The following FBXO11 variants were observed in gnomAD, a reference collection of about 807,000 sequenced individuals.
The protein encoded by FBXO11 is F-box only protein 11.
A neutral mutation model predicts 117.0 loss-of-function variants in FBXO11; 13 were observed. The observed-to-expected ratio is 0.11, with a 90% CI of 0.07 to 0.18. FBXO11 has a LOEUF of 0.18. FBXO11 is among the 10% of genes least tolerant of loss of function. The probability of loss-of-function intolerance (pLI) is 1.00; values close to 1 mark genes in which losing one functional copy is unlikely to be tolerated. For missense variants in FBXO11, 767 were observed against 1,164.4 expected (o/e 0.66, Z 4.97); for synonymous variants, 490 against 380.5 (o/e 1.29, Z -3.35).
rs112758707 is a variant in FBXO11, at chr2:47,904,581, A to AACACACAC, written c.232+900_232+907dup. On this transcript the variant is annotated intron_variant, in intron 1 of 22. Coordinates refer to ENST00000403359, the MANE Select transcript of FBXO11 (RefSeq NM_001190274.2). The stretch of plus-strand genomic sequence containing the variant: ...CAACACACACACGCGCGCGCGCGCA[A>AACACACAC]ACACACACACACACACACACACACA... 3.0e-3 allele frequency among the ~76,000 whole-genome samples: 437 copies of AACACACAC among 147,686 alleles called. 1 individual carries two copies. The highest frequency in any genetic ancestry group is 0.014 in the Middle Eastern group (4 of 286).
chr2:47,902,580 C>CAT (rs1243538812), intron 1 of FBXO11, among the ~76,000 whole-genome samples: 1 of 152,062 alleles, frequency 6.6e-6, no homozygotes, highest in Non-Finnish European at 1.5e-5. Flanking sequence ...TACACACACA[C>CAT]ATACACATAC....
In FBXO11 at chr2:47,872,514, G is replaced by C. The variant is rs554533215; in HGVS notation, c.233-32745C>G. Among the ~76,000 whole-genome samples, 5 of 152,252 alleles carry C rather than the reference G, an allele frequency of 3.3e-5. No homozygotes were observed. In the South Asian group the frequency reaches 1.0e-3, roughly 32 times the overall value. ...AATTTTTGTATTTTTAGGAGAGACGGGGTTTCACCATGTTGGCCAGAGTGG... is the reference window on the plus strand; with the variant it reads ...AATTTTTGTATTTTTAGGAGAGACGCGGTTTCACCATGTTGGCCAGAGTGG... On this transcript the variant is annotated intron_variant, in intron 1 of 22. Transcript: ENST00000403359.
intron 11 of FBXO11, among the ~76,000 whole-genome samples, chr2:47,830,919 C>G (rs1015643161): frequency 6.6e-6 from 1 of 152,092 alleles, no homozygotes; most frequent in East Asian, 1.9e-4. Flanking sequence ...CCTGTCTCAG[C>G]CCCCAAGTAG....
chr2:47,832,508 A>AC, intron 10 of FBXO11, 22 bp from the exon 11 acceptor site: 1 of 1,610,562 alleles, frequency 6.2e-7, no homozygotes, highest in African/African-American at 1.3e-5. Flanking sequence ...TATCAGAAAC[A>AC]AACATCAGTA....
chr2:47,882,950 T>C (rs1676546104), intron 1 of FBXO11, among the ~76,000 whole-genome samples: 1 of 152,010 alleles, frequency 6.6e-6, no homozygotes, highest in African/African-American at 2.4e-5. Context: ...TGCCCAGCCA[T>C]TTGCTTTCTT....
At chr2:47,837,649 C>T (rs903859139) in intron 4 of FBXO11, among the ~76,000 whole-genome samples, 3 of 152,170 alleles carry the variant, frequency 2.0e-5, no homozygotes, top group Non-Finnish European at 4.4e-5. Context: ...TAACTATTAA[C>T]AGTCTGCCAT....
chr2:47,854,116 A>T (rs978141263), intron 1 of FBXO11, among the ~76,000 whole-genome samples: 2 of 152,248 alleles, frequency 1.3e-5, no homozygotes, highest in African/African-American at 4.8e-5. Flanking sequence ...GAACTATAAA[A>T]GTATGTTCAC....
At chr2:47,881,120 C>T (rs946520056) in intron 1 of FBXO11, among the ~76,000 whole-genome samples, 2 of 151,958 alleles carry the variant, frequency 1.3e-5, no homozygotes, top group Non-Finnish European at 2.9e-5. Flanking sequence ...GGCTTAGTGG[C>T]GGGTGCCTGC....
chr2:47,831,461 TA>T (rs1558422348), intron 11 of FBXO11, among the ~76,000 whole-genome samples: 1 of 108,538 alleles, frequency 9.2e-6, no homozygotes, highest in East Asian at 2.8e-4. Context: ...AAAATGAAAA[TA>T]AAAAAATTTC....
rs184944934 is a variant in FBXO11 at position 47,835,060 on chromosome 2, G to A, written c.718-189C>T. On this transcript the variant is annotated intron_variant, in intron 5 of 22. Transcript: ENST00000403359. The stretch of plus-strand genomic sequence containing the variant: ...TGATCCGGTAATATCCAGAAACAAA[G>A]AACAGGGTTTCTCAATCTCAGCATT... Among the ~76,000 whole-genome samples, 129 of 152,244 alleles carry A rather than the reference G, an allele frequency of 8.5e-4. 1 individual carries two copies. The highest frequency in any genetic ancestry group is 2.9e-3 in the African/African-American group (122 of 41,554).
intron 1 of FBXO11, among the ~76,000 whole-genome samples, chr2:47,897,478 C>G (rs1558483219): frequency 1.3e-5 from 2 of 152,166 alleles, no homozygotes; most frequent in East Asian, 3.9e-4. Flanking sequence ...GGGCAGATCA[C>G]TTTACATCAT....
intron 1 of FBXO11, among the ~76,000 whole-genome samples, chr2:47,858,776 G>A (rs1674518538): frequency 6.6e-6 from 1 of 151,600 alleles, no homozygotes; most frequent in South Asian, 2.1e-4. Context: ...CGGGCGCAGT[G>A]GCTTATGCCT....
At chr2:47,889,012 C>A (rs776605218) in intron 1 of FBXO11, among the ~76,000 whole-genome samples, 6 of 152,146 alleles carry the variant, frequency 3.9e-5, no homozygotes, top group Non-Finnish European at 5.9e-5. Flanking sequence ...ACACCTTGGA[C>A]TAGAGAAGAT....
intron 1 of FBXO11, among the ~76,000 whole-genome samples, chr2:47,894,686 T>G (rs1289591041): frequency 6.6e-6 from 1 of 152,256 alleles, no homozygotes; most frequent in Admixed American, 6.5e-5. Flanking sequence ...CTTAGATTTT[T>G]AGACAGTATA....
intron 1 of FBXO11, among the ~76,000 whole-genome samples, chr2:47,871,999 G>A (rs984744440): frequency 3.9e-5 from 6 of 152,080 alleles, no homozygotes; most frequent in South Asian, 2.1e-4. Context: ...CTCCAGTTCT[G>A]ACTTCACAAA....
intron 1 of FBXO11, among the ~76,000 whole-genome samples, chr2:47,876,976 C>G (rs1392533046): frequency 6.6e-6 from 1 of 151,784 alleles, no homozygotes. Flanking sequence ...TACTATTTTC[C>G]AAATCACTGT....
At chr2:47,835,387 T>C (rs919691361) in intron 5 of FBXO11, among the ~76,000 whole-genome samples, 9 of 152,232 alleles carry the variant, frequency 5.9e-5, no homozygotes, top group Non-Finnish European at 1.5e-5. Flanking sequence ...TCACAACTGC[T>C]CTTAGGCTAC....
chr2:47,838,631 A>C (rs1222050215), intron 4 of FBXO11, among the ~76,000 whole-genome samples: 1 of 152,222 alleles, frequency 6.6e-6, no homozygotes, highest in Non-Finnish European at 1.5e-5. Flanking sequence ...TCCCATAATC[A>C]ATCAGTTGCT....
chr2:47,815,357 C>T (rs374533801), intron 16 of FBXO11, among the ~76,000 whole-genome samples: 3 of 152,054 alleles, frequency 2.0e-5, no homozygotes, highest in Non-Finnish European at 4.4e-5. Context: ...GAGAGAGTGA[C>T]CTAGCTAGGT....
Sources: allele counts gnomAD v4.1 joint callset (sites outside exome capture counted in the v4.1 genomes callset), GRCh38; gene constraint gnomAD v4.1.1; transcripts MANE v1.5; gene names NCBI Gene and HGNC (gene_info 2026-07-23, HGNC 2026-07-21).